VTN: variants seen among roughly 807,000 people sequenced by gnomAD.
VTN encodes complement S-protein.
A neutral mutation model predicts 55.9 loss-of-function variants in VTN; 45 were observed. The observed-to-expected ratio is 0.80, with a 90% CI of 0.63 to 1.03. The LOEUF (loss-of-function observed/expected upper bound fraction) is 1.03, where lower values mean the gene tolerates loss of function less well. Ranked by LOEUF, VTN falls within the 50% of genes least tolerant of loss-of-function variation. The probability of loss-of-function intolerance (pLI) is 0.00; values close to 1 mark genes in which losing one functional copy is unlikely to be tolerated. For missense variants in VTN, 589 were observed against 638.2 expected (o/e 0.92, Z 0.83); for synonymous variants, 238 against 242.3 (o/e 0.98, Z 0.17).
chr17:28,367,632 C>G (rs1434213974), intron 7 of VTN, 83 bp downstream of exon 7: 2 of 1,478,480 alleles, frequency 1.4e-6, no homozygotes, highest in East Asian at 2.3e-5. Flanking sequence ...TCACTACTTG[C>G]AGGCTGCGTT....
rs1410966176 is a variant in VTN, at chr17:28,368,766, G to T, written c.827-93C>A. 11 of 1,608,508 alleles carry T rather than the reference G, an allele frequency of 6.8e-6. No homozygotes were observed. The African/African-American group carries it at 1.5e-4, about 22-fold the overall frequency. ...TGAAGTTAGGATCTCCCAGCATGAG[G>T]TGGGGGTCAGGGGTGGGCACATGCT... is the stretch of plus-strand genomic sequence containing the variant. On this transcript the variant is annotated intron_variant, in intron 5 of 7. Transcript: ENST00000226218.
In VTN at chr17:28,367,741, A is replaced by T. The variant is rs1339986885; in HGVS notation, c.1298T>A (p.Ile433Asn). 6.2e-7 allele frequency: 1 copy of T among 1,612,986 alleles called. No individual in the cohort carries two copies. Among genetic ancestry groups the T allele is most frequent in the Non-Finnish European group, 8.5e-7 (1 of 1,179,472 alleles). The change falls in exon 7 of 8, where the codon ATC (isoleucine) becomes AAC (asparagine). Residue 433 changes from isoleucine to asparagine, a missense_variant. Physicochemically the swap from Ile to Asn is moderately radical, Grantham distance 149. Transcript: ENST00000226218. ...TCCAGAGAAGAAGAAGACACTCTGG[A>T]TGGGTTCACAGGTGGCAGGCACAAG... ...DWLVPATCEPIQSVFFFSGDK... is the reference protein window; with the variant it reads ...DWLVPATCEPNQSVFFFSGDK...
At chr17:28,368,196 C>G (rs1377300465) in intron 6 of VTN, 137 bp from the exon 7 acceptor site, 1 of 805,828 alleles carries the variant, frequency 1.2e-6, no homozygotes. Context: ...CTTTGACTCT[C>G]AGTCCAATTC....
Position 28,368,688 on chromosome 17 carries a change from G to A in VTN, c.827-15C>T. 1 of 1,612,594 alleles carries A rather than the reference G, an allele frequency of 6.2e-7. No individual in the cohort carries two copies. Among genetic ancestry groups the A allele is most frequent in the East Asian group, 2.2e-5 (1 of 44,834 alleles). The stretch of plus-strand genomic sequence containing the variant: ...GTACTGTTTCCCTGAGGAGCAGGGT[G>A]GTGGGCATTAGGAGGGCTGGGCCAG... On this transcript the variant is annotated splice_polypyrimidine_tract_variant and intron_variant, in intron 5 of 7. Transcript: ENST00000226218.
In VTN at chr17:28,370,012, G is replaced by A. The variant is rs145861745; in HGVS notation, c.99C>T (p.Asn33=). 102 of 1,614,100 alleles carry A rather than the reference G, an allele frequency of 6.3e-5. No individual in the cohort carries two copies. In the African/African-American group the frequency reaches 1.2e-3, roughly 19 times the overall value. Reference sequence around the variant, plus strand: ...CGTCACACTGGCACTTCTTGTCCACGTTGAAGCCCTCAGTGCAGCGGCCCT... The same window carrying A: ...CGTCACACTGGCACTTCTTGTCCACATTGAAGCCCTCAGTGCAGCGGCCCT... ...SCKGRCTEGF[N]VDKKCQCDEL... Residue 33 remains asparagine (N), a synonymous_variant, in exon 2 of 8, where the codon AAC becomes AAT. Transcript: ENST00000226218.
rs781824403 is a variant in VTN at position 28,369,817 on chromosome 17, A to G, written c.219T>C (p.Asp73=). The change falls in exon 3 of 8, where the codon GAT becomes GAC. Residue 73 remains aspartate, a synonymous_variant. Transcript: ENST00000226218. The surrounding 1 kb of genome is among the most constrained non-coding windows in gnomAD (Gnocchi z 5.3). The part of the protein sequence containing the change: ...TRGDVFTMPE[D]EYTVYDDGEE... ...CGCCATCGTCATAGACCGTGTACTC[A>G]TCCTCCGGCATAGTGAACACATCCC... 1.2e-6 allele frequency: 2 copies of G among 1,613,380 alleles called. No individual in the cohort carries two copies. Among genetic ancestry groups the G allele is most frequent in the East Asian group, 2.2e-5 (1 of 44,868 alleles).
At position 28,367,847 on chromosome 17, in the gene VTN, G is replaced by T; in HGVS notation, c.1192C>A (p.Arg398Ser). ...GRNQNSRRPS[R>S]ATWLSLFSSE... Reference sequence around the variant, plus strand: ...GAGAACAAGGACAGCCACGTGGCGCGGGATGGCCGGCGGGAGTTCTGGTTG... The same window carrying T: ...GAGAACAAGGACAGCCACGTGGCGCTGGATGGCCGGCGGGAGTTCTGGTTG... The change falls in exon 7 of 8, where the codon CGC (arginine) becomes AGC (serine). Residue 398 changes from arginine to serine, a missense_variant. Arg to Ser is a moderately radical substitution (Grantham distance 110). Around this residue, in one of 3 missense-constraint regions of VTN, gnomAD observed 334 missense variants for 328.2 expected, o/e 1.02. Transcript: ENST00000226218. 6.2e-7 allele frequency: 1 copy of T among 1,614,140 alleles called. No homozygotes were observed. Among genetic ancestry groups the T allele is most frequent in the Non-Finnish European group, 8.5e-7 (1 of 1,180,034 alleles).
chr17:28,369,065 C>A lies in VTN; in HGVS notation c.670-37G>T, dbSNP rs576012564. On this transcript the variant is annotated intron_variant, in intron 4 of 7. Transcript: ENST00000226218. This position sits in a 1 kb window ranked among gnomAD's most constrained non-coding sequence, Gnocchi z 5.3. Reference sequence around the variant, plus strand: ...GGAAAGTGAAAAGGGGTATGGAGGCCGCTGGCTGGGCACAGAGGCAGAGTC... The same window carrying A: ...GGAAAGTGAAAAGGGGTATGGAGGCAGCTGGCTGGGCACAGAGGCAGAGTC... 2 of 1,550,122 alleles carry A rather than the reference C, an allele frequency of 1.3e-6. No homozygotes were observed. Among genetic ancestry groups the A allele is most frequent in the South Asian group, 1.2e-5 (1 of 80,366 alleles).
intron 5 of VTN, 37 bp downstream of exon 5, chr17:28,368,835 C>A: frequency 6.2e-7 from 1 of 1,613,126 alleles, no homozygotes. Context: ...CAAGACTGCT[C>A]CACTGCCTGC....
At position 28,367,389 on chromosome 17, in the gene VTN, G is replaced by A. The variant is rs887866075; in HGVS notation, c.1417C>T (p.Pro473Ser). 2 of 1,597,544 alleles carry A rather than the reference G, an allele frequency of 1.3e-6. No homozygotes were observed. Among genetic ancestry groups the A allele is most frequent in the Non-Finnish European group, 1.7e-6 (2 of 1,174,144 alleles). ...RSIAQYWLGC[P>S]APGHL ...GACTCCTACAGATGGCCAGGAGCTG[G>A]GCAGCCCAGCCAGTACTGAGCGATG... The change falls in exon 8 of 8, where the codon CCA becomes TCA. Residue 473 changes from proline to serine, a missense_variant. Coordinates refer to ENST00000226218, the MANE Select transcript of VTN (RefSeq NM_000638.4).
In VTN at chr17:28,369,216, AC is replaced by A. The variant is rs2067932653; in HGVS notation, c.669+72del. On this transcript the variant is annotated intron_variant, in intron 4 of 7. Transcript: ENST00000226218. This position sits in a 1 kb window ranked among gnomAD's most constrained non-coding sequence, Gnocchi z 5.3. ...GGCCCTGGGTCCAGCTTCCCTGTCCACCCTGTCCCTGGGAGCAATAGCTCTC... is the reference window on the plus strand; with the variant it reads ...GGCCCTGGGTCCAGCTTCCCTGTCCACCTGTCCCTGGGAGCAATAGCTCTC... 1 of 1,522,314 alleles carries A rather than the reference AC, an allele frequency of 6.6e-7. No homozygotes were observed. Among genetic ancestry groups the A allele is most frequent in the African/African-American group, 1.4e-5 (1 of 71,970 alleles). 94.3% of individuals were successfully genotyped at this position (1,522,314 alleles called of 1,614,324 possible).
chr17:28,369,240 C>A lies in VTN; in HGVS notation c.669+49G>T. The stretch of plus-strand genomic sequence containing the variant: ...CACCCTGTCCCTGGGAGCAATAGCT[C>A]TCAAACCCTCCCTAGATGCTTTCTA... On this transcript the variant is annotated intron_variant, in intron 4 of 7. Coordinates refer to ENST00000226218, the MANE Select transcript of VTN (RefSeq NM_000638.4). This position sits in a 1 kb window ranked among gnomAD's most constrained non-coding sequence, Gnocchi z 5.3. The A allele has an allele frequency of 6.5e-7, 1 of 1,536,426 alleles. No individual in the cohort carries two copies. Among genetic ancestry groups the A allele is most frequent in the South Asian group, 1.3e-5 (1 of 79,146 alleles).
intron 1 of VTN, 29 bp downstream of exon 1, chr17:28,370,111 C>A: frequency 6.2e-7 from 1 of 1,613,550 alleles, no homozygotes; most frequent in South Asian, 1.1e-5. Context: ...CCTACATTGA[C>A]CCAGATGGCC....
rs112124144 is a variant in VTN, at chr17:28,368,520, C to G, written c.979+1G>C. 3.1e-6 allele frequency: 5 copies of G among 1,613,880 alleles called. No homozygotes were observed. The highest frequency in any genetic ancestry group is 4.2e-6 in the Non-Finnish European group (5 of 1,179,992). ...AAGCAAGACTTGCCCTCTCTCCATA[C>G]CAGAGGTTCTGCCCCAGAAGAGAAG... On this transcript the variant is annotated splice_donor_variant, in intron 6 of 7. Coordinates refer to ENST00000226218, the MANE Select transcript of VTN (RefSeq NM_000638.4). LOFTEE classifies it high-confidence loss of function.
chr17:28,367,758 A>C lies in VTN; in HGVS notation c.1281T>G (p.Pro427=). 1 of 1,613,878 alleles carries C rather than the reference A, an allele frequency of 6.2e-7. No homozygotes were observed. The highest frequency in any genetic ancestry group is 8.5e-7 in the Non-Finnish European group (1 of 1,179,978). The change falls in exon 7 of 8, where the codon CCT becomes CCG. Residue 427 remains proline (P), a synonymous_variant. Coordinates refer to ENST00000226218, the MANE Select transcript of VTN (RefSeq NM_000638.4). ...CACTCTGGATGGGTTCACAGGTGGC[A>C]GGCACAAGCCAGTCCATCCTGTAGT... ...YDDYRMDWLV[P]ATCEPIQSVF... is the part of the protein sequence containing the mutation.
At position 28,369,738 on chromosome 17, in the gene VTN, A is replaced by G; in HGVS notation, c.298T>C (p.Ser100Pro). 6.8e-6 allele frequency: 11 copies of G among 1,613,866 alleles called. No individual in the cohort carries two copies. The highest frequency in any genetic ancestry group is 9.3e-6 in the Non-Finnish European group (11 of 1,179,992). Residue 100 changes from serine to proline, a missense_variant, in exon 3 of 8, where the codon TCT becomes CCT. This residue lies in a region of VTN where 217 missense variants were observed against 241.3 expected (regional missense o/e 0.90). Coordinates refer to ENST00000226218, the MANE Select transcript of VTN (RefSeq NM_000638.4). This position sits in a 1 kb window ranked among gnomAD's most constrained non-coding sequence, Gnocchi z 5.3. ...HEQVGGPSLT[S>P]DLQAQSKGNP... ...CCTTTGGACTGGGCCTGGAGGTCAG[A>G]GGTCAGGGAGGGGCCCCCCACCTGT...
chr17:28,369,126 C>A lies in VTN; in HGVS notation c.670-98G>T. 1 of 1,509,268 alleles carries A rather than the reference C, an allele frequency of 6.6e-7. No individual in the cohort carries two copies. The highest frequency in any genetic ancestry group is 1.3e-5 in the South Asian group (1 of 74,304). The allele number at this position is 1,509,268 out of a possible 1,614,324, so 93.5% of individuals were successfully genotyped here. A position where few individuals can be genotyped will look rare whatever the true frequency, so the allele number is the denominator to read the frequency against. On this transcript the variant is annotated intron_variant, in intron 4 of 7. Transcript: ENST00000226218. This position sits in a 1 kb window ranked among gnomAD's most constrained non-coding sequence, Gnocchi z 5.3. ...AGGCAGCCGTTCCCAGGTCCAGGTTCACTGCCCAGGACCTGGAGTCTTGGG... is the reference window on the plus strand; with the variant it reads ...AGGCAGCCGTTCCCAGGTCCAGGTTAACTGCCCAGGACCTGGAGTCTTGGG...
rs900666885 is a variant in VTN, at chr17:28,369,238, C to T, written c.669+51G>A. ...TCCACCCTGTCCCTGGGAGCAATAG[C>T]TCTCAAACCCTCCCTAGATGCTTTC... On this transcript the variant is annotated intron_variant, in intron 4 of 7. Transcript: ENST00000226218. The surrounding 1 kb of genome is among the most constrained non-coding windows in gnomAD (Gnocchi z 5.3). 2.6e-6 allele frequency: 4 copies of T among 1,533,990 alleles called. No homozygotes were observed. Among genetic ancestry groups the T allele is most frequent in the African/African-American group, 2.8e-5 (2 of 72,414 alleles).
chr17:28,368,863 CCT>C lies in VTN; in HGVS notation c.826+7_826+8del. On this transcript the variant is annotated splice_region_variant and intron_variant, in intron 5 of 7. Transcript: ENST00000226218. ...CTGCCTGCTCAGTCTCCCACCACCC[CCT>C]GAGTACCCTTGAAGAAGTAGACCCG... 1.2e-6 allele frequency: 2 copies of C among 1,613,670 alleles called. No individual in the cohort carries two copies. The highest frequency in any genetic ancestry group is 2.2e-5 in the South Asian group (2 of 91,056).
Sources: gnomAD v4.1 joint callset for allele counts on GRCh38, gnomAD v4.1.1 for gene constraint, gnomAD v4.1.1 regional missense constraint, Gnocchi (gnomAD v3.1) non-coding constraint, MANE v1.5 for transcripts, NCBI Gene and HGNC (gene_info 2026-07-23, HGNC 2026-07-21) for gene names.